Variants in EXPH5 observed in about 807,000 individuals in gnomAD.
EXPH5 encodes the protein exophilin 5.
In EXPH5, 42 loss-of-function variants were observed where a neutral mutation model predicts 41.1. The ratio of observed to expected loss-of-function variants is 1.02; its 90% CI spans 0.80 to 1.32. The LOEUF is 1.32. Ranked by LOEUF, EXPH5 falls within the 40% of genes most tolerant of loss-of-function variation. The probability of loss-of-function intolerance (pLI) is 0.00; values close to 1 mark genes in which losing one functional copy is unlikely to be tolerated. For missense variants in EXPH5, 2,298 were observed against 2,314.5 expected, an observed-to-expected ratio of 0.99 and a Z score of 0.15; for synonymous variants, 798 against 833.5, an observed-to-expected ratio of 0.96 and a Z score of 0.73.
chr11:108,543,230 C>T (rs968811361), intron 1 of EXPH5, among the ~76,000 whole-genome samples: 29 of 152,218 alleles, frequency 1.9e-4, no homozygotes, highest in African/African-American at 6.0e-4. Context: ...CCCTTTCCTG[C>T]CCAATTCTCT....
intron 3 of EXPH5, among the ~76,000 whole-genome samples, chr11:108,538,482 A>G (rs2093893354): frequency 6.6e-6 from 1 of 152,154 alleles, no homozygotes; most frequent in African/African-American, 2.4e-5. Context: ...CACCTTATAC[A>G]TTCTGAGCAA....
chr11:108,552,879 G>A (rs920401496), intron 1 of EXPH5, among the ~76,000 whole-genome samples: 3 of 152,126 alleles, frequency 2.0e-5, no homozygotes, highest in African/African-American at 7.2e-5. Flanking sequence ...TCCTGCCACT[G>A]CAATCCAGCC....
rs199610730 is a variant in EXPH5 at position 108,513,463 on chromosome 11, A to G, written c.2044T>C (p.Ser682Pro). The stretch of plus-strand genomic sequence containing the variant: ...GGCTGGCTTTTGGCAAGAGGCAGAG[A>G]GTCAACTGAATTGCTGCTGGTCACA... Reference protein sequence around the residue: ...VTVTSSNSVDSLPLAKSQPNI... With the variant: ...VTVTSSNSVDPLPLAKSQPNI... The change falls in exon 6 of 6, where the codon TCT (serine) becomes CCT (proline). Residue 682 changes from serine to proline, a missense_variant. Physicochemically the swap from Ser to Pro is moderately conservative, Grantham distance 74 (BLOSUM62 -1). Coordinates refer to ENST00000265843, the MANE Select transcript of EXPH5 (RefSeq NM_015065.3). The G allele has an allele frequency of 3.3e-4, 534 of 1,613,750 alleles. 2 individuals carry two copies. Among genetic ancestry groups the G allele is most frequent in the Non-Finnish European group, 3.0e-5 (35 of 1,179,804 alleles).
At chr11:108,552,199 CTT>C (rs1270279617) in intron 1 of EXPH5, 3 of 152,052 alleles carry the variant, frequency 2.0e-5, no homozygotes, top group Admixed American at 6.5e-5. Context: ...GCACCAGTAG[CTT>C]TATCATCCGG....
At position 108,511,547 on chromosome 11, in the gene EXPH5, A is replaced by G. The variant is rs1565771888; in HGVS notation, c.3960T>C (p.Ser1320=). Residue 1320 remains serine, a synonymous_variant, in exon 6 of 6, where the codon TCT becomes TCC. Coordinates refer to ENST00000265843, the MANE Select transcript of EXPH5 (RefSeq NM_015065.3). ...SCENLKMSVN[S]DQTLTTENMT... ...TATTTTCAGTGGTGAGCGTCTGATC[A>G]GAGTTGACGGACATCTTTAGATTTT... The G allele has an allele frequency of 5.6e-6, 9 of 1,612,358 alleles. No homozygotes were observed. Among genetic ancestry groups the G allele is most frequent in the Middle Eastern group, 1.6e-4 (1 of 6,078 alleles).
At chr11:108,605,642 T>C in the EXPH5 span, among the ~76,000 whole-genome samples, 1 of 152,186 alleles carries the variant, frequency 6.6e-6, no homozygotes, top group Non-Finnish European at 1.5e-5. Context: ...GTTAGAGCAA[T>C]TTGGATTCAG....
At chr11:108,528,099 A>G (rs1209304806) in intron 4 of EXPH5, 37 bp downstream of exon 4, 1 of 1,453,166 alleles carries the variant, frequency 6.9e-7, no homozygotes, top group Non-Finnish European at 9.6e-7. Context: ...TAAATTCTGA[A>G]TTTCTTAGAG....
At chr11:108,553,417 C>G (rs1223305182) in intron 1 of EXPH5, among the ~76,000 whole-genome samples, 1 of 152,170 alleles carries the variant, frequency 6.6e-6, no homozygotes, top group African/African-American at 2.4e-5. Context: ...GACTTGCTGT[C>G]CACCCTGAGG....
Position 108,505,876 on chromosome 11 carries a change from G to T in EXPH5, c.*3661C>A, listed in dbSNP as rs1333173898. On this transcript the variant is annotated 3_prime_UTR_variant, in exon 6 of 6. Coordinates refer to ENST00000265843, the MANE Select transcript of EXPH5 (RefSeq NM_015065.3). ...TACACATATTTACCTCCTACACAAA[G>T]TAGCTGTTATTAGCTTATCACCAAC... 1 of 152,142 alleles carries T rather than the reference G, an allele frequency of 6.6e-6. No homozygotes were observed. Among genetic ancestry groups the T allele is most frequent in the Non-Finnish European group, 1.5e-5 (1 of 68,034 alleles). The allele number at this position is 152,142 out of a possible 1,614,324, so 9.4% of individuals were successfully genotyped here. A position where few individuals can be genotyped will look rare whatever the true frequency, so the allele number is the denominator to read the frequency against.
intron 1 of EXPH5, among the ~76,000 whole-genome samples, chr11:108,570,101 C>T (rs1265059849): frequency 6.6e-6 from 1 of 152,208 alleles, no homozygotes; most frequent in Non-Finnish European, 1.5e-5. Context: ...GCCTGGCCTG[C>T]CTCCTGAAAT....
chr11:108,568,518 C>T (rs967962268), intron 1 of EXPH5, among the ~76,000 whole-genome samples: 5 of 152,152 alleles, frequency 3.3e-5, no homozygotes, highest in African/African-American at 1.2e-4. Context: ...CTCCCCCCAA[C>T]CCCCAGTCTT....
At chr11:108,597,532 A>T (rs567654189), upstream of EXPH5, among the ~76,000 whole-genome samples, 1 of 152,352 alleles carries the variant, frequency 6.6e-6, no homozygotes, top group Admixed American at 6.5e-5. Flanking sequence ...GCTTTTTGTT[A>T]GGACTAAACT....
intron 1 of EXPH5, among the ~76,000 whole-genome samples, chr11:108,573,185 A>AAAGC (rs2094068117): frequency 7.2e-6 from 1 of 139,162 alleles, no homozygotes. Context: ...AGAAAGAAAG[A>AAAGC]AAGAAAGAAA....
chr11:108,529,510 T>A lies in EXPH5; in HGVS notation c.444-1326A>T, dbSNP rs767235445. ...ACTGCGTCTGGCATAATCTTTTAAATCTACAGTCTCATGCCAAGGGGTTCT... is the reference window on the plus strand; with the variant it reads ...ACTGCGTCTGGCATAATCTTTTAAAACTACAGTCTCATGCCAAGGGGTTCT... On this transcript the variant is annotated intron_variant, in intron 3 of 5. Coordinates refer to ENST00000265843, the MANE Select transcript of EXPH5 (RefSeq NM_015065.3). Among the ~76,000 whole-genome samples, 2 of 152,274 alleles carry A rather than the reference T, an allele frequency of 1.3e-5. 1 individual carries two copies. Among genetic ancestry groups the A allele is most frequent in the Middle Eastern group, 6.8e-3 (2 of 294 alleles).
intron 5 of EXPH5, among the ~76,000 whole-genome samples, chr11:108,515,496 AT>A (rs202021377): frequency 1.6e-4 from 15 of 94,048 alleles, no homozygotes; most frequent in South Asian, 3.6e-4. Context: ...CCAATGGTAG[AT>A]TTTTTTTTCT....
chr11:108,544,376 C>G (rs1192669996), intron 1 of EXPH5, among the ~76,000 whole-genome samples: 2 of 152,118 alleles, frequency 1.3e-5, no homozygotes, highest in African/African-American at 2.4e-5. Flanking sequence ...CTCTGTTGCC[C>G]AGGCTTGCCT....
intron 1 of EXPH5, among the ~76,000 whole-genome samples, chr11:108,585,560 C>A (rs2094110669): frequency 6.6e-6 from 1 of 152,194 alleles, no homozygotes; most frequent in South Asian, 2.1e-4. Flanking sequence ...GGGTCTAGAA[C>A]TATAAGCAAT....
chr11:108,605,899 C>T, the EXPH5 span, among the ~76,000 whole-genome samples: 1 of 152,344 alleles, frequency 6.6e-6, no homozygotes, highest in South Asian at 2.1e-4. Flanking sequence ...CTCCAGCCTC[C>T]ATCCTCAGCC....
chr11:108,541,653 AT>A lies in EXPH5; in HGVS notation c.278del (p.Asn93MetfsTer4). 1 of 1,593,870 alleles carries A rather than the reference AT, an allele frequency of 6.3e-7. No homozygotes were observed. Among genetic ancestry groups the A allele is most frequent in the Non-Finnish European group, 8.5e-7 (1 of 1,170,904 alleles). ...TTAAATCTAAAATCTTTTTCTTACC[AT>A]TTTTTGCCATCTCCTTACTTAGCCT... is the stretch of plus-strand genomic sequence containing the variant. ...TYRLSKEMAK[N>X]DPIELPTSRS... On this transcript the variant is annotated frameshift_variant and splice_region_variant, in exon 2 of 6. Coordinates refer to ENST00000265843, the MANE Select transcript of EXPH5 (RefSeq NM_015065.3). LOFTEE classifies it high-confidence loss of function.
Sources: allele counts gnomAD v4.1 joint callset (sites outside exome capture counted in the v4.1 genomes callset), GRCh38; gene constraint gnomAD v4.1.1; transcripts MANE v1.5; gene names NCBI Gene and HGNC (gene_info 2026-07-23, HGNC 2026-07-21).